The following LDB2 variants were observed in gnomAD, a reference collection of about 807,000 sequenced individuals.
LDB2 encodes LIM domain-binding protein 2.
In LDB2, 12 loss-of-function variants were observed where a neutral mutation model predicts 44.3. The observed-to-expected ratio is 0.27, with a 90% confidence interval of 0.17 to 0.44. LDB2 has a LOEUF of 0.44. LDB2 is among the 20% of genes least tolerant of loss of function. The pLI is 1.00. For missense variants in LDB2, 344 were observed against 473.5 expected, an observed-to-expected ratio of 0.73 and a Z score of 2.54; for synonymous variants, 164 against 174.8, an observed-to-expected ratio of 0.94 and a Z score of 0.49.
intron 2 of LDB2, among the ~76,000 whole-genome samples, chr4:16,673,726 C>T (rs189891655): frequency 3.9e-5 from 6 of 152,242 alleles, no homozygotes; most frequent in African/African-American, 7.2e-5. Context: ...GCATATAGTA[C>T]GTAGAGGCCA....
intron 1 of LDB2, among the ~76,000 whole-genome samples, chr4:16,776,081 C>A (rs1056111722): frequency 6.6e-6 from 1 of 152,204 alleles, no homozygotes; most frequent in Admixed American, 6.5e-5. Flanking sequence ...CAGAACTTTT[C>A]GCTTTCCCCC....
chr4:16,729,765 T>C (rs1253593086), intron 2 of LDB2, among the ~76,000 whole-genome samples: 1 of 152,172 alleles, frequency 6.6e-6, no homozygotes, highest in East Asian at 1.9e-4. Context: ...CTTTCCTTTC[T>C]CTCCAGGGAA....
At chr4:16,783,224 A>G (rs1773683664) in intron 1 of LDB2, among the ~76,000 whole-genome samples, 1 of 152,222 alleles carries the variant, frequency 6.6e-6, no homozygotes. Flanking sequence ...ACCCTGCTTC[A>G]TTGTCTGAGG....
intron 1 of LDB2, among the ~76,000 whole-genome samples, chr4:16,799,509 C>T (rs1215772849): frequency 2.0e-5 from 3 of 152,244 alleles, no homozygotes; most frequent in East Asian, 3.9e-4. Flanking sequence ...ATTCTCTCCA[C>T]GGGCTCTTGC....
intron 1 of LDB2, among the ~76,000 whole-genome samples, chr4:16,887,220 G>GAAA (rs77393745): frequency 7.8e-6 from 1 of 128,644 alleles, no homozygotes; most frequent in Non-Finnish European, 1.7e-5. Context: ...GCTAAGACTT[G>GAAA]AAAAAAAAAA....
intron 1 of LDB2, among the ~76,000 whole-genome samples, chr4:16,858,884 T>C (rs1711525414): frequency 6.6e-6 from 1 of 152,240 alleles, no homozygotes; most frequent in Non-Finnish European, 1.5e-5. Context: ...AAAAAATTAA[T>C]ATCCATTAAA....
intron 2 of LDB2, chr4:16,726,529 T>C (rs1439038279): frequency 6.6e-6 from 1 of 152,212 alleles, no homozygotes; most frequent in Non-Finnish European, 1.5e-5. Flanking sequence ...TCCTTGAATT[T>C]GTTCAAACCC....
At chr4:16,643,305 G>T (rs561067133) in intron 2 of LDB2, among the ~76,000 whole-genome samples, 1 of 152,112 alleles carries the variant, frequency 6.6e-6, no homozygotes, top group Non-Finnish European at 1.5e-5. Flanking sequence ...GTTACTAGCT[G>T]TATGTTCTTC....
intron 5 of LDB2, among the ~76,000 whole-genome samples, chr4:16,556,787 C>T (rs1335280615): frequency 6.6e-6 from 1 of 152,140 alleles, no homozygotes; most frequent in Non-Finnish European, 1.5e-5. Context: ...GTCTCGTTAC[C>T]AGTTTGTAGT....
intron 1 of LDB2, among the ~76,000 whole-genome samples, chr4:16,857,389 C>A (rs1450712517): frequency 6.6e-6 from 1 of 152,180 alleles, no homozygotes; most frequent in Non-Finnish European, 1.5e-5. Flanking sequence ...GACGGATAGC[C>A]CTGCTTCCAT....
chr4:16,784,933 C>T (rs1397983030), intron 1 of LDB2, among the ~76,000 whole-genome samples: 1 of 152,048 alleles, frequency 6.6e-6, no homozygotes, highest in Non-Finnish European at 1.5e-5. Context: ...GCTCTGCCAC[C>T]CTTAAATACC....
At chr4:16,704,677 C>T (rs771387413) in intron 2 of LDB2, among the ~76,000 whole-genome samples, 22 of 152,218 alleles carry the variant, frequency 1.4e-4, no homozygotes, top group East Asian at 3.9e-4. Flanking sequence ...AGGCCTATGA[C>T]GTAGTCACAT....
chr4:16,565,319 C>T (rs910509520), intron 5 of LDB2, among the ~76,000 whole-genome samples: 1 of 152,136 alleles, frequency 6.6e-6, no homozygotes, highest in Non-Finnish European at 1.5e-5. Context: ...CCTTGAGCAT[C>T]AGTTGCACTG....
chr4:16,652,640 G>A (rs1738625867), intron 2 of LDB2, among the ~76,000 whole-genome samples: 1 of 152,162 alleles, frequency 6.6e-6, no homozygotes, highest in Non-Finnish European at 1.5e-5. Context: ...ACCACTTTAG[G>A]AGATCAAAAG....
intron 1 of LDB2, among the ~76,000 whole-genome samples, chr4:16,776,122 T>C (rs1020821135): frequency 1.3e-5 from 2 of 152,154 alleles, no homozygotes; most frequent in Non-Finnish European, 2.9e-5. Flanking sequence ...GGAAACTGGG[T>C]TCTGATTCTG....
intron 5 of LDB2, among the ~76,000 whole-genome samples, chr4:16,561,296 C>T (rs1198325768): frequency 4.6e-5 from 7 of 152,286 alleles, no homozygotes; most frequent in Admixed American, 1.3e-4. Context: ...TTGCAGATGA[C>T]GTGATTGTAT....
At chr4:16,631,819 T>C (rs1687703259) in intron 2 of LDB2, among the ~76,000 whole-genome samples, 1 of 152,102 alleles carries the variant, frequency 6.6e-6, no homozygotes, top group Admixed American at 6.5e-5. Context: ...TCTACGCAAA[T>C]GAACCAGAAA....
intron 1 of LDB2, among the ~76,000 whole-genome samples, chr4:16,812,076 A>C (rs1779975280): frequency 6.6e-6 from 1 of 152,222 alleles, no homozygotes; most frequent in Admixed American, 6.5e-5. Flanking sequence ...GAAGTCTTCT[A>C]TCCCGTCCTT....
chr4:16,529,360 A>G (rs1031890381), intron 5 of LDB2, among the ~76,000 whole-genome samples: 1 of 152,170 alleles, frequency 6.6e-6, no homozygotes, highest in Non-Finnish European at 1.5e-5. Flanking sequence ...AGGCAAGCAG[A>G]GAAACAAATT....
Sources: gnomAD v4.1 joint callset for allele counts (sites outside exome capture counted in the v4.1 genomes callset) on GRCh38, gnomAD v4.1.1 for gene constraint, MANE v1.5 for transcripts, NCBI Gene and HGNC (gene_info 2026-07-23, HGNC 2026-07-21) for gene names.